XCR1: variants seen among roughly 807,000 people sequenced by gnomAD.
The protein encoded by XCR1 is chemokine XC receptor 1.
For synonymous variants in XCR1, 187 were observed against 188.5 expected (o/e 0.99, Z 0.06); for missense variants, 356 against 424.2 (o/e 0.84, Z 1.41).
intron 3 of XCR1, among the ~76,000 whole-genome samples, chr3:46,074,512 G>A (rs139806849): frequency 4.1e-4 from 62 of 151,838 alleles, no homozygotes; most frequent in Admixed American, 1.0e-3. Context: ...TATTTAATGG[G>A]TACAATGTAC....
At chr3:46,046,920 G>T (rs1440251906) in intron 5 of XCR1, among the ~76,000 whole-genome samples, 2 of 152,178 alleles carry the variant, frequency 1.3e-5, no homozygotes, top group Non-Finnish European at 2.9e-5. Flanking sequence ...CTTTCACAAG[G>T]TCCCATGGAT....
At chr3:46,057,883 T>C in intron 4 of XCR1, among the ~76,000 whole-genome samples, 1 of 32,972 alleles carries the variant, frequency 3.0e-5, no homozygotes, top group South Asian at 1.1e-3. Context: ...TATCTGTCTG[T>C]CTATCTATCT....
intron 5 of XCR1, among the ~76,000 whole-genome samples, chr3:46,048,829 T>C (rs972391664): frequency 2.6e-5 from 4 of 152,236 alleles, no homozygotes; most frequent in African/African-American, 9.6e-5. Flanking sequence ...ATAGTTTTGA[T>C]TGAGGTGGTA....
chr3:46,028,189 A>T (rs1327072820), upstream of XCR1, among the ~76,000 whole-genome samples: 2 of 151,906 alleles, frequency 1.3e-5, no homozygotes, highest in Non-Finnish European at 2.9e-5. Context: ...TGTGTGCCTT[A>T]TTTTTCTTGG....
At chr3:46,059,403 A>C (rs1220966826) in intron 4 of XCR1, among the ~76,000 whole-genome samples, 1 of 152,184 alleles carries the variant, frequency 6.6e-6, no homozygotes, top group Non-Finnish European at 1.5e-5. Flanking sequence ...GGAGCATTGC[A>C]CTTGGTTGTT....
At chr3:46,077,524 A>G (rs1164401121) in intron 1 of XCR1, among the ~76,000 whole-genome samples, 1 of 152,152 alleles carries the variant, frequency 6.6e-6, no homozygotes, top group Non-Finnish European at 1.5e-5. Flanking sequence ...TAACAATAAT[A>G]GAAATAAAGT....
intron 1 of XCR1, among the ~76,000 whole-genome samples, chr3:46,078,065 AC>A (rs1301068376): frequency 2.0e-5 from 3 of 152,130 alleles, no homozygotes; most frequent in Non-Finnish European, 4.4e-5. Context: ...TGCACATGTA[AC>A]CCCCTGAATC....
At chr3:46,050,204 C>T (rs986219047) in intron 5 of XCR1, among the ~76,000 whole-genome samples, 4 of 152,130 alleles carry the variant, frequency 2.6e-5, no homozygotes, top group Admixed American at 6.5e-5. Context: ...CTCTACAAGC[C>T]GTAATTCGGC....
intron 1 of XCR1, among the ~76,000 whole-genome samples, chr3:46,025,320 C>T (rs1413977746): frequency 6.6e-6 from 1 of 152,128 alleles, no homozygotes; most frequent in Non-Finnish European, 1.5e-5. Context: ...AGGAGAATCC[C>T]TTGAGGCCAG....
chr3:46,031,891 G>A (rs576315363), upstream of XCR1, among the ~76,000 whole-genome samples: 23 of 152,286 alleles, frequency 1.5e-4, no homozygotes, highest in East Asian at 3.9e-3. Flanking sequence ...GCTGAGAGCC[G>A]CAGAGACAAT....
At chr3:46,023,148 G>C (rs963827629) in intron 1 of XCR1, 1 of 383,298 alleles carries the variant, frequency 2.6e-6, no homozygotes, top group African/African-American at 2.2e-5. Context: ...GGCGCAGGGG[G>C]CGGGCCCGTG....
intron 4 of XCR1, among the ~76,000 whole-genome samples, chr3:46,064,562 T>C (rs957032790): frequency 3.9e-5 from 6 of 152,220 alleles, no homozygotes; most frequent in Non-Finnish European, 8.8e-5. Context: ...AGTGACATTC[T>C]TGGACTTGTA....
At chr3:46,060,494 T>C (rs1470981825) in intron 4 of XCR1, among the ~76,000 whole-genome samples, 2 of 152,202 alleles carry the variant, frequency 1.3e-5, no homozygotes, top group Non-Finnish European at 2.9e-5. Flanking sequence ...CACTCCCTTA[T>C]TTGCCTGTTA....
chr3:46,068,649 C>G (rs1698115926), intron 3 of XCR1, among the ~76,000 whole-genome samples: 1 of 152,200 alleles, frequency 6.6e-6, no homozygotes, highest in South Asian at 2.1e-4. Context: ...GCCGAGCCAA[C>G]CTGATATTTT....
At chr3:46,038,783 G>A (rs1270583178) in intron 5 of XCR1, among the ~76,000 whole-genome samples, 1 of 152,132 alleles carries the variant, frequency 6.6e-6, no homozygotes. Flanking sequence ...AAGTAGGTGA[G>A]AATAATTTCC....
intron 1 of XCR1, among the ~76,000 whole-genome samples, chr3:46,077,863 T>C (rs1484542476): frequency 6.6e-6 from 1 of 152,024 alleles, no homozygotes; most frequent in East Asian, 1.9e-4. Flanking sequence ...CACTTATAAG[T>C]GAGAGCTAAA....
chr3:46,072,428 G>A (rs1486215513), intron 3 of XCR1, among the ~76,000 whole-genome samples: 2 of 152,196 alleles, frequency 1.3e-5, no homozygotes, highest in Non-Finnish European at 2.9e-5. Context: ...GCTGAGGTGG[G>A]AAGATTGCTT....
chr3:46,062,996 A>T (rs1697994207), intron 4 of XCR1, among the ~76,000 whole-genome samples: 1 of 152,246 alleles, frequency 6.6e-6, no homozygotes, highest in Non-Finnish European at 1.5e-5. Context: ...AAACACTGCA[A>T]ATCAGAGCTT....
At position 46,020,960 on chromosome 3, in the gene XCR1, C is replaced by T. The variant is rs751498596; in HGVS notation, c.988G>A (p.Ala330Thr). Residue 330 changes from alanine (A) to threonine (T), a missense_variant, in exon 2 of 2, where the codon GCC becomes ACC. By Grantham distance (58) the Ala-to-Thr change is moderately conservative (BLOSUM62 0). Coordinates refer to ENST00000309285, the MANE Select transcript of XCR1 (RefSeq NM_001024644.2). ...CCACAGGCCCCTCAGTAGAAGGAGG[C>T]GCCCTCATAGGCGAAGGCACCAGGG... is the stretch of plus-strand genomic sequence containing the variant. ...HSPGAFAYEG[A>T]SFY 2.1e-5 allele frequency: 34 copies of T among 1,611,738 alleles called. No homozygotes were observed. Among genetic ancestry groups the T allele is most frequent in the Admixed American group, 1.2e-4 (7 of 59,776 alleles).
Sources: allele counts gnomAD v4.1 joint callset (sites outside exome capture counted in the v4.1 genomes callset), GRCh38; gene constraint gnomAD v4.1.1; transcripts MANE v1.5; gene names NCBI Gene and HGNC (gene_info 2026-07-23, HGNC 2026-07-21).